The following FARS2 variants were observed in gnomAD, a reference collection of about 807,000 sequenced individuals.
FARS2 encodes phenylalanine--tRNA ligase, mitochondrial.
Under a neutral mutation model 46.4 loss-of-function variants are expected in FARS2, and 40 were observed. That is an observed-to-expected ratio of 0.86 (90% CI 0.67 to 1.12). The LOEUF (loss-of-function observed/expected upper bound fraction) is 1.12, where lower values mean the gene tolerates loss of function less well. FARS2 is among the 50% of genes most tolerant of loss of function. FARS2 has a pLI of 0.00. For missense variants in FARS2, 513 were observed against 567.9 expected (o/e 0.90, Z 0.98); for synonymous variants, 234 against 214.9 (o/e 1.09, Z -0.78).
chr6:5,539,683 A>G (rs996373418), intron 4 of FARS2, among the ~76,000 whole-genome samples: 3 of 152,208 alleles, frequency 2.0e-5, no homozygotes, highest in East Asian at 1.9e-4. Context: ...ATATTAGCCA[A>G]TGTGATTAAT....
chr6:5,581,846 C>G (rs6597144), intron 5 of FARS2, among the ~76,000 whole-genome samples: 1 of 149,770 alleles, frequency 6.7e-6, no homozygotes, highest in Non-Finnish European at 1.5e-5. Flanking sequence ...AACATACTTC[C>G]GGTTAATTCC....
chr6:5,677,472 C>G (rs778526849), intron 6 of FARS2, among the ~76,000 whole-genome samples: 1 of 152,244 alleles, frequency 6.6e-6, no homozygotes, highest in Non-Finnish European at 1.5e-5. Flanking sequence ...CTAGACTTCT[C>G]TGGCAGTAGA....
rs554997962 is a variant in FARS2 at position 5,334,010 on chromosome 6, A to G, written c.-21-34540A>G. 1.1e-4 allele frequency among the ~76,000 whole-genome samples: 16 copies of G among 152,268 alleles called. No individual in the cohort carries two copies. In the South Asian group the frequency reaches 3.1e-3, roughly 30 times the overall value. On this transcript the variant is annotated intron_variant, in intron 1 of 6. Transcript: ENST00000274680. The stretch of plus-strand genomic sequence containing the variant: ...CTTGATGCCTGTCCTCTTGTTAATC[A>G]TATGCTCTTTTGGAAATGTATTTAT...
At chr6:5,427,162 TG>T (rs1483595805) in intron 3 of FARS2, among the ~76,000 whole-genome samples, 2 of 152,220 alleles carry the variant, frequency 1.3e-5, no homozygotes, top group Admixed American at 1.3e-4. Context: ...CAATGTGTGA[TG>T]ATCGAATCAG....
chr6:5,674,214 A>AG (rs5873992), intron 6 of FARS2, among the ~76,000 whole-genome samples: 1 of 143,982 alleles, frequency 6.9e-6, no homozygotes, highest in Non-Finnish European at 1.5e-5. Context: ...AAAAAAAAAA[A>AG]GGAAAGAAAA....
chr6:5,546,425 T>C (rs914941257), intron 5 of FARS2, among the ~76,000 whole-genome samples: 3 of 151,734 alleles, frequency 2.0e-5, no homozygotes, highest in African/African-American at 7.3e-5. Flanking sequence ...TAATTTTGTG[T>C]ATTTTTAGTA....
Position 5,710,707 on chromosome 6 carries a change from C to A in FARS2, c.1218-60584C>A, listed in dbSNP as rs192664814. 9.2e-5 allele frequency among the ~76,000 whole-genome samples: 14 copies of A among 152,308 alleles called. 1 individual carries two copies. In the East Asian group the frequency reaches 1.9e-3, roughly 21 times the overall value. On this transcript the variant is annotated intron_variant, in intron 6 of 6. Coordinates refer to ENST00000274680, the MANE Select transcript of FARS2 (RefSeq NM_006567.5). ...GAGTGCCAGACAGGCAAGAGCTGCC[C>A]AGAGAGAGGGCTCTGGATTTCCGGA...
chr6:5,749,574 A>G (rs538942116), intron 6 of FARS2, among the ~76,000 whole-genome samples: 2 of 152,326 alleles, frequency 1.3e-5, no homozygotes, highest in Admixed American at 1.3e-4. Context: ...TGCTGTGCTC[A>G]GGCCTCAGAC....
rs1015986773 is a variant in FARS2 at position 5,283,574 on chromosome 6, G to A, written c.-22+21914G>A. 1.7e-4 allele frequency among the ~76,000 whole-genome samples: 26 copies of A among 150,918 alleles called. 1 individual carries two copies. Among genetic ancestry groups the A allele is most frequent in the Admixed American group, 1.7e-3 (26 of 15,124 alleles). On this transcript the variant is annotated intron_variant, in intron 1 of 6. Transcript: ENST00000274680. ...AAAAAAAAAAAAAAAAAATCAGAAG[G>A]CATAAATACATACAGGATGAAAAAT...
Position 5,353,726 on chromosome 6 carries a change from G to GTTTTTTT in FARS2, c.-21-14808_-21-14802dup, listed in dbSNP as rs55998904. ...CTGTTTTTAAATTGTAATATTTGGTGTTTTTTTTTTTTTTTTTTTTTTGCT... is the reference window on the plus strand; with the variant it reads ...CTGTTTTTAAATTGTAATATTTGGTGTTTTTTTTTTTTTTTTTTTTTTTTTTTTTGCT... On this transcript the variant is annotated intron_variant, in intron 1 of 6. Coordinates refer to ENST00000274680, the MANE Select transcript of FARS2 (RefSeq NM_006567.5). Among the ~76,000 whole-genome samples the GTTTTTTT allele has an allele frequency of 8.6e-3, 346 of 40,228 alleles. 5 individuals are homozygous for GTTTTTTT. The highest frequency in any genetic ancestry group is 0.011 in the African/African-American group (115 of 10,272). The allele number at this position is 40,228 out of a possible 152,430, so 26.4% of individuals were successfully genotyped here. A position where few individuals can be genotyped will look rare whatever the true frequency, so the allele number is the denominator to read the frequency against.
At chr6:5,753,720 A>G (rs1338638531) in intron 6 of FARS2, among the ~76,000 whole-genome samples, 1 of 152,196 alleles carries the variant, frequency 6.6e-6, no homozygotes, top group Non-Finnish European at 1.5e-5. Flanking sequence ...TTTTTAAAAG[A>G]CAAAACCAAA....
intron 1 of FARS2, among the ~76,000 whole-genome samples, chr6:5,350,809 A>G (rs1246613369): frequency 6.6e-6 from 1 of 152,186 alleles, no homozygotes; most frequent in African/African-American, 2.4e-5. Flanking sequence ...ATTGCTCTGT[A>G]TTATTTAATT....
chr6:5,450,275 A>G (rs935417373), intron 4 of FARS2, among the ~76,000 whole-genome samples: 1 of 151,504 alleles, frequency 6.6e-6, no homozygotes, highest in Non-Finnish European at 1.5e-5. Flanking sequence ...AGGAGGTGGC[A>G]TCTAGTGTGA....
intron 4 of FARS2, among the ~76,000 whole-genome samples, chr6:5,537,973 T>C (rs967800181): frequency 2.0e-5 from 3 of 152,012 alleles, no homozygotes; most frequent in Admixed American, 1.3e-4. Context: ...TCAACAATTA[T>C]AAATACAAAA....
intron 2 of FARS2, among the ~76,000 whole-genome samples, chr6:5,392,355 A>G (rs1760572469): frequency 6.6e-6 from 1 of 151,976 alleles, no homozygotes; most frequent in Admixed American, 6.6e-5. Context: ...TCCTTATTTC[A>G]GGGTTTTGAA....
chr6:5,412,267 C>T (rs1015612868), intron 3 of FARS2, among the ~76,000 whole-genome samples: 1 of 152,222 alleles, frequency 6.6e-6, no homozygotes, highest in Non-Finnish European at 1.5e-5. Context: ...CTTCCTGGGG[C>T]AGCCCACATC....
chr6:5,268,263 A>C (rs9392074), intron 1 of FARS2, among the ~76,000 whole-genome samples: 118,118 of 148,036 alleles, frequency 0.8, 47,569 homozygotes, highest in African/African-American at 0.93. Flanking sequence ...GGTGTTTTAG[A>C]CACGAAGTCC....
intron 2 of FARS2, among the ~76,000 whole-genome samples, chr6:5,401,997 G>T (rs569494856): frequency 7.8e-5 from 11 of 141,810 alleles, no homozygotes; most frequent in East Asian, 4.0e-4. Flanking sequence ...CTGCTCCATT[G>T]TTTTTTTTTC....
chr6:5,393,538 G>A lies in FARS2; in HGVS notation c.613-11004G>A, dbSNP rs532053254. 1.5e-3 allele frequency among the ~76,000 whole-genome samples: 234 copies of A among 152,036 alleles called. 1 individual carries two copies. Among genetic ancestry groups the A allele is most frequent in the Non-Finnish European group, 2.2e-3 (152 of 67,974 alleles). On this transcript the variant is annotated intron_variant, in intron 2 of 6. Transcript: ENST00000274680. The stretch of plus-strand genomic sequence containing the variant: ...CTGGGCATGGTGGTGCGTGCCTGTA[G>A]TCCCAGCTACTTGGGAGGCTGAGGC...
Sources: allele counts gnomAD v4.1 joint callset (sites outside exome capture counted in the v4.1 genomes callset), GRCh38; gene constraint gnomAD v4.1.1; transcripts MANE v1.5; gene names NCBI Gene and HGNC (gene_info 2026-07-23, HGNC 2026-07-21).